Variants in SRCAP observed in about 807,000 individuals in gnomAD.
SRCAP encodes Snf2 related CREBBP activator protein, also known as chromatin remodeling protein SRCAP.
In SRCAP, 46 loss-of-function variants were observed where a neutral mutation model predicts 263.1. That is an observed-to-expected ratio of 0.17 (90% CI 0.14 to 0.22). SRCAP has a LOEUF of 0.22. Among genes scored for constraint, SRCAP ranks in the 10% least tolerant of loss-of-function variants. The probability of loss-of-function intolerance (pLI) is 1.00; values close to 1 mark genes in which losing one functional copy is unlikely to be tolerated. For missense variants in SRCAP, 3,695 were observed against 4,181.9 expected, an observed-to-expected ratio of 0.88 and a Z score of 3.21; for synonymous variants, 1,813 against 1,662.1, an observed-to-expected ratio of 1.09 and a Z score of -2.21.
intron 27 of SRCAP, among the ~76,000 whole-genome samples, chr16:30,731,446 T>A (rs1006060133): frequency 5.9e-5 from 9 of 152,234 alleles, no homozygotes; most frequent in East Asian, 5.8e-4. Context: ...CGAGATTTTT[T>A]AAATTTCCTA....
chr16:30,735,894 A>G (rs1249465873), intron 31 of SRCAP, among the ~76,000 whole-genome samples: 1 of 148,494 alleles, frequency 6.7e-6, no homozygotes, highest in African/African-American at 2.5e-5. Context: ...GTGCATTTTT[A>G]TTCACATCTT....
chr16:30,720,043 G>A (rs2052994825), intron 18 of SRCAP, 119 bp from the exon 19 acceptor site: 1 of 1,094,368 alleles, frequency 9.1e-7, no homozygotes, highest in Admixed American at 2.1e-5. Flanking sequence ...AGTACATGTG[G>A]TATTTGGTTT....
At position 30,720,197 on chromosome 16, in the gene SRCAP, G is replaced by C. The variant is rs1327953286; in HGVS notation, c.2853G>C (p.Leu951=). 3 of 1,613,580 alleles carry C rather than the reference G, an allele frequency of 1.9e-6. No homozygotes were observed. Among genetic ancestry groups the C allele is most frequent in the Non-Finnish European group, 2.5e-6 (3 of 1,179,626 alleles). The part of the protein sequence containing the change: ...IDMGRFDLIG[L]EGRVSRYEAD... ...TGGGTCGATTTGACCTTATTGGCCT[G>C]GAAGGTCGTGTCTCTCGATATGAGG... Residue 951 remains leucine, a synonymous_variant, in exon 19 of 34, where the codon CTG becomes CTC. Transcript: ENST00000262518.
At chr16:30,704,375 C>G (rs978831204) in intron 4 of SRCAP, 60 bp downstream of exon 4, 3 of 1,512,412 alleles carry the variant, frequency 2.0e-6, no homozygotes, top group Middle Eastern at 3.6e-4. Flanking sequence ...ACTCCCACGT[C>G]CTCTTGAGTA....
chr16:30,735,453 A>G (rs948081928), intron 31 of SRCAP, among the ~76,000 whole-genome samples: 5 of 150,318 alleles, frequency 3.3e-5, no homozygotes, highest in African/African-American at 1.2e-4. Flanking sequence ...GCCACAAAGC[A>G]TTTCTTATAT....
In SRCAP at chr16:30,738,882, T is replaced by A. The variant is rs756891413; in HGVS notation, c.8842T>A (p.Leu2948Met). ...RRGRPPKARD[L>M]PIPGTISSAG... ...AGGACGACCCCCTAAAGCACGAGAT[T>A]TGCCCATCCCTGGGACCATTTCCTC... The change falls in exon 34 of 34, where the codon TTG (leucine) becomes ATG (methionine). Residue 2948 changes from leucine to methionine, a missense_variant. Physicochemically the swap from Leu to Met is conservative, Grantham distance 15. Transcript: ENST00000262518. 4 of 1,614,088 alleles carry A rather than the reference T, an allele frequency of 2.5e-6. No homozygotes were observed. In the East Asian group the frequency reaches 6.7e-5, roughly 27 times the overall value.
chr16:30,705,285 G>A (rs1045490839), intron 4 of SRCAP, among the ~76,000 whole-genome samples: 2 of 152,122 alleles, frequency 1.3e-5, no homozygotes, highest in Non-Finnish European at 2.9e-5. Flanking sequence ...GGGTAACAGT[G>A]AGACTCTGTC....
Position 30,728,922 on chromosome 16 carries a change from A to C in SRCAP, c.5659-44A>C, listed in dbSNP as rs181457792. The stretch of plus-strand genomic sequence containing the variant: ...GAAGAACAGTCAGGTTTTGATGTGG[A>C]CTCTGAGGGTGCTGATTACTTCCTC... On this transcript the variant is annotated intron_variant, in intron 25 of 33. Coordinates refer to ENST00000262518, the MANE Select transcript of SRCAP (RefSeq NM_006662.3). The C allele has an allele frequency of 3.8e-6, 6 of 1,562,730 alleles. No homozygotes were observed. The East Asian group carries it at 1.4e-4, about 35-fold the overall frequency.
chr16:30,722,412 C>A, intron 22 of SRCAP, 126 bp downstream of exon 22: 1 of 1,505,388 alleles, frequency 6.6e-7, no homozygotes, highest in Non-Finnish European at 9.0e-7. Flanking sequence ...GGCCAACGGG[C>A]ATGGTTGGAG....
In SRCAP at chr16:30,728,893, C is replaced by T. The variant is rs1596660308; in HGVS notation, c.5659-73C>T. The stretch of plus-strand genomic sequence containing the variant: ...ATGGTTTCTATATATTTATTTCCAT[C>T]TGGGAAGAACAGTCAGGTTTTGATG... On this transcript the variant is annotated intron_variant, in intron 25 of 33. Transcript: ENST00000262518. 2.0e-6 allele frequency: 3 copies of T among 1,489,722 alleles called. No individual in the cohort carries two copies. The East Asian group carries it at 6.9e-5, about 34-fold the overall frequency. The allele number at this position is 1,489,722 out of a possible 1,614,324, so 92.3% of individuals were successfully genotyped here. A position where few individuals can be genotyped will look rare whatever the true frequency, so the allele number is the denominator to read the frequency against.
intron 18 of SRCAP, among the ~76,000 whole-genome samples, chr16:30,717,984 C>T: frequency 6.6e-6 from 1 of 150,756 alleles, no homozygotes; most frequent in Non-Finnish European, 1.5e-5. Flanking sequence ...GTTTCAAACT[C>T]CTGGACGAGT....
At chr16:30,727,360 C>T (rs2053073668) in intron 25 of SRCAP, among the ~76,000 whole-genome samples, 1 of 152,174 alleles carries the variant, frequency 6.6e-6, no homozygotes, top group Non-Finnish European at 1.5e-5. Flanking sequence ...TTTATATATT[C>T]TGATTACAGA....
At chr16:30,703,112 C>T (rs1442817211) in intron 3 of SRCAP, among the ~76,000 whole-genome samples, 1 of 151,496 alleles carries the variant, frequency 6.6e-6, no homozygotes, top group African/African-American at 2.4e-5. Flanking sequence ...CATGAAATCA[C>T]TGAGGCTCTG....
chr16:30,721,762 C>T (rs1399892997), intron 21 of SRCAP, among the ~76,000 whole-genome samples: 1 of 152,086 alleles, frequency 6.6e-6, no homozygotes, highest in African/African-American at 2.4e-5. Flanking sequence ...AATTAAGAGC[C>T]CTTAAGAAAT....
rs773925449 is a variant in SRCAP at position 30,723,244 on chromosome 16, C to T, written c.4159+15C>T. 1.6e-5 allele frequency: 25 copies of T among 1,583,392 alleles called. No homozygotes were observed. The East Asian group carries it at 5.0e-4, about 31-fold the overall frequency. Reference sequence around the variant, plus strand: ...TGAAGTCAGTGGTGAGTCCAGGTGGCTGAGGCCAGAAATCCTTGCCAGGAA... The same window carrying T: ...TGAAGTCAGTGGTGAGTCCAGGTGGTTGAGGCCAGAAATCCTTGCCAGGAA... On this transcript the variant is annotated intron_variant, in intron 24 of 33. Coordinates refer to ENST00000262518, the MANE Select transcript of SRCAP (RefSeq NM_006662.3).
Position 30,710,134 on chromosome 16 carries a change from G to C in SRCAP, c.1134+6G>C, listed in dbSNP as rs143387966. ...AGCCCCCTCAGGTGTTGGAGGTATA[G>C]GCAGAAGGAGCAGAGGGAGGGTTCA... On this transcript the variant is annotated splice_donor_region_variant and intron_variant, in intron 8 of 33. Transcript: ENST00000262518. 9.9e-5 allele frequency: 160 copies of C among 1,611,384 alleles called. No individual in the cohort carries two copies. The African/African-American group carries it at 2.0e-3, about 20-fold the overall frequency.
Position 30,723,737 on chromosome 16 carries a change from C to T in SRCAP, c.4313C>T (p.Ser1438Leu), listed in dbSNP as rs367694674. ...SSTVSVPLSS[S>L]LPISVPTTLP... ...ACAGTCTCAGTTCCATTGTCATCTT[C>T]ACTCCCCATCTCTGTCCCCACCACA... Residue 1438 changes from serine to leucine, a missense_variant, in exon 25 of 34, where the codon TCA becomes TTA. Around this residue, in one of 12 missense-constraint regions of SRCAP, gnomAD observed 1,347 missense variants for 1,304.4 expected, o/e 1.03. Transcript: ENST00000262518. 22 of 1,613,984 alleles carry T rather than the reference C, an allele frequency of 1.4e-5. No individual in the cohort carries two copies. In the South Asian group the frequency reaches 1.9e-4, roughly 14 times the overall value.
At chr16:30,736,920 G>A in intron 33 of SRCAP, 129 bp from the exon 34 acceptor site, 1 of 1,056,762 alleles carries the variant, frequency 9.5e-7, no homozygotes, top group South Asian at 1.6e-5. Context: ...GTGACCTGCT[G>A]GCCTTAACTT....
In SRCAP at chr16:30,709,570, C is replaced by T. The variant is rs1446841238; in HGVS notation, c.691C>T (p.Leu231=). 2 of 1,614,166 alleles carry T rather than the reference C, an allele frequency of 1.2e-6. No individual in the cohort carries two copies. The highest frequency in any genetic ancestry group is 1.7e-6 in the Non-Finnish European group (2 of 1,180,034). Residue 231 remains leucine (L), a synonymous_variant, in exon 7 of 34, where the codon CTG becomes TTG. Coordinates refer to ENST00000262518, the MANE Select transcript of SRCAP (RefSeq NM_006662.3). ...GGAAAAGCGCAAAAAAGCCCTGGAC[C>T]TGCATTTGGACTTCATTGTGGGGCA... ...LEEKRKKALD[L]HLDFIVGQTE...
Sources: allele counts gnomAD v4.1 joint callset (sites outside exome capture counted in the v4.1 genomes callset), GRCh38; gene constraint gnomAD v4.1.1; regional missense constraint gnomAD v4.1.1; transcripts MANE v1.5; gene names NCBI Gene and HGNC (gene_info 2026-07-23, HGNC 2026-07-21).